Variants in CWC22 observed in about 807,000 individuals in gnomAD.
CWC22 encodes CWC22 spliceosome associated protein.
A neutral mutation model predicts 117.2 loss-of-function variants in CWC22; 53 were observed. The ratio of observed to expected loss-of-function variants is 0.45; its 90% confidence interval spans 0.36 to 0.57. The LOEUF (loss-of-function observed/expected upper bound fraction) is 0.57. CWC22 is among the 20% of genes least tolerant of loss of function. The pLI, the probability that CWC22 is intolerant of heterozygous loss-of-function variation, is 0.00. For missense variants in CWC22, 980 were observed against 1,068.8 expected (o/e 0.92, Z 1.16); for synonymous variants, 360 against 355.6 (o/e 1.01, Z -0.14).
chr2:179,982,024 G>C, intron 4 of CWC22, 27 bp from the exon 5 acceptor site: 1 of 1,257,506 alleles, frequency 8.0e-7, no homozygotes, highest in African/African-American at 1.5e-5. Flanking sequence ...TTGAAGAGCA[G>C]AAAAGACAAT....
intron 2 of CWC22, among the ~76,000 whole-genome samples, chr2:179,990,112 G>A (rs1201674718): frequency 6.6e-6 from 1 of 152,106 alleles, no homozygotes; most frequent in Non-Finnish European, 1.5e-5. Flanking sequence ...TTATATAGGT[G>A]AATAAGCATG....
chr2:179,970,607 T>A (rs763813044), intron 10 of CWC22, 43 bp downstream of exon 10: 1 of 1,583,598 alleles, frequency 6.3e-7, no homozygotes, highest in South Asian at 1.1e-5. Context: ...TATATTTACA[T>A]TTGTTGGTAA....
At chr2:179,972,949 C>T (rs1264040302) in intron 8 of CWC22, among the ~76,000 whole-genome samples, 1 of 151,634 alleles carries the variant, frequency 6.6e-6, no homozygotes, top group Non-Finnish European at 1.5e-5. Flanking sequence ...GCAGAGCTTG[C>T]AGTGAGCCAA....
intron 16 of CWC22, among the ~76,000 whole-genome samples, chr2:179,953,417 A>C (rs1686504884): frequency 6.6e-6 from 1 of 151,922 alleles, no homozygotes; most frequent in African/African-American, 2.4e-5. Context: ...TCTTTCTTTC[A>C]AATTCCTTTA....
chr2:179,966,044 T>A, intron 11 of CWC22, 62 bp from the exon 12 acceptor site: 1 of 1,271,660 alleles, frequency 7.9e-7, no homozygotes, highest in Non-Finnish European at 1.1e-6. Context: ...TATTTCATTC[T>A]AAGAAGATAA....
chr2:179,946,445 T>G (rs1442295626), intron 19 of CWC22, among the ~76,000 whole-genome samples: 2 of 80,068 alleles, frequency 2.5e-5, no homozygotes, highest in African/African-American at 1.1e-4. Flanking sequence ...AGTGGGACTC[T>G]GTCCAAAAAA....
At chr2:179,991,713 A>G (rs962653222) in intron 2 of CWC22, among the ~76,000 whole-genome samples, 1 of 152,222 alleles carries the variant, frequency 6.6e-6, no homozygotes, top group Non-Finnish European at 1.5e-5. Context: ...CCAGTTCTGT[A>G]CAAGGTTTCC....
intron 2 of CWC22, among the ~76,000 whole-genome samples, chr2:179,992,226 G>C (rs905393079): frequency 1.3e-5 from 2 of 152,178 alleles, no homozygotes; most frequent in African/African-American, 2.4e-5. Context: ...AATCCATGCA[G>C]TTGAAGAGAA....
chr2:179,949,681 T>C (rs563647034), intron 19 of CWC22, among the ~76,000 whole-genome samples: 105 of 152,144 alleles, frequency 6.9e-4, no homozygotes, highest in African/African-American at 2.0e-3. Flanking sequence ...ACATACCCAG[T>C]AGAAATGTGA....
chr2:179,967,958 A>G (rs1686933773), intron 11 of CWC22, among the ~76,000 whole-genome samples: 1 of 152,212 alleles, frequency 6.6e-6, no homozygotes, highest in Admixed American at 6.5e-5. Flanking sequence ...TGATGAAAAC[A>G]TTAGGGTTTT....
chr2:179,945,610 TGTC>T lies in CWC22; in HGVS notation c.2243_2245del (p.Arg748_Gln749delinsLys). ...CCTTGTTTCCTGGTGCCCGTGTTCT[TGTC>T]TTCTTTCTTTTTGTTTCCTATCATT... On this transcript the variant is annotated inframe_deletion, in exon 20 of 20. Coordinates refer to ENST00000410053, the MANE Select transcript of CWC22 (RefSeq NM_020943.3). 1.2e-6 allele frequency: 2 copies of T among 1,613,420 alleles called. No homozygotes were observed. Among genetic ancestry groups the T allele is most frequent in the Non-Finnish European group, 1.7e-6 (2 of 1,179,662 alleles).
intron 17 of CWC22, 115 bp downstream of exon 17, chr2:179,952,356 G>A: frequency 1.7e-6 from 1 of 601,030 alleles, no homozygotes; most frequent in Non-Finnish European, 2.5e-6. Flanking sequence ...AATGGATGAA[G>A]AAAGTCTCAG....
chr2:179,949,595 C>A (rs1206624286), intron 19 of CWC22, among the ~76,000 whole-genome samples: 1 of 152,028 alleles, frequency 6.6e-6, no homozygotes, highest in Non-Finnish European at 1.5e-5. Flanking sequence ...ATAGGAATAA[C>A]CACTTGGAAA....
chr2:179,976,534 A>C (rs1471880691), intron 6 of CWC22, among the ~76,000 whole-genome samples: 8 of 152,212 alleles, frequency 5.3e-5, no homozygotes, highest in Admixed American at 2.6e-4. Flanking sequence ...GTTAATATCC[A>C]AAACACATTA....
intron 1 of CWC22, among the ~76,000 whole-genome samples, chr2:179,999,466 A>G (rs975306991): frequency 1.3e-5 from 2 of 152,194 alleles, no homozygotes; most frequent in African/African-American, 4.8e-5. Flanking sequence ...CAGTTTCATC[A>G]AGCATTAGAA....
chr2:179,970,605 C>A, intron 10 of CWC22, 42 bp from the exon 11 acceptor site: 4 of 1,579,102 alleles, frequency 2.5e-6, no homozygotes, highest in Non-Finnish European at 3.4e-6. Context: ...TCTATATTTA[C>A]ATTTGTTGGT....
chr2:179,951,198 T>C (rs1350210071), intron 17 of CWC22, among the ~76,000 whole-genome samples: 1 of 151,932 alleles, frequency 6.6e-6, no homozygotes, highest in Non-Finnish European at 1.5e-5. Flanking sequence ...GAAAGATAAA[T>C]ATATACACAT....
chr2:180,003,594 T>G (rs958604192), intron 1 of CWC22, among the ~76,000 whole-genome samples: 13 of 152,198 alleles, frequency 8.5e-5, no homozygotes, highest in Non-Finnish European at 1.5e-4. Flanking sequence ...CCCCTAGACA[T>G]GCAAGCACTG....
At chr2:179,959,767 A>C (rs1686698856) in intron 13 of CWC22, among the ~76,000 whole-genome samples, 1 of 152,076 alleles carries the variant, frequency 6.6e-6, no homozygotes, top group Admixed American at 6.5e-5. Flanking sequence ...TTTAGTAAAA[A>C]TATGGTATTA....
Sources: allele counts gnomAD v4.1 joint callset (sites outside exome capture counted in the v4.1 genomes callset), GRCh38; gene constraint gnomAD v4.1.1; transcripts MANE v1.5; gene names NCBI Gene and HGNC (gene_info 2026-07-23, HGNC 2026-07-21).